The following C8orf34 variants were observed in gnomAD, a reference collection of about 807,000 sequenced individuals.
C8orf34 encodes the protein uncharacterized protein C8orf34.
A neutral mutation model predicts 68.3 loss-of-function variants in C8orf34; 65 were observed. That is an observed-to-expected ratio of 0.95 (90% CI 0.78 to 1.17). The LOEUF is 1.17. C8orf34 is among the 50% of genes most tolerant of loss of function. The probability of loss-of-function intolerance (pLI) is 0.00; values close to 1 mark genes in which losing one functional copy is unlikely to be tolerated. For synonymous variants in C8orf34, 244 were observed against 241.2 expected, an observed-to-expected ratio of 1.01 and a Z score of -0.11; for missense variants, 664 against 655.4, an observed-to-expected ratio of 1.01 and a Z score of -0.14.
intron 1 of C8orf34, among the ~76,000 whole-genome samples, chr8:68,398,752 T>A (rs1272233669): frequency 6.6e-6 from 1 of 152,172 alleles, no homozygotes; most frequent in Non-Finnish European, 1.5e-5. Context: ...TGAAAAAGTT[T>A]CAAGTACTCT....
At chr8:68,486,126 A>T (rs1002855895) in intron 4 of C8orf34, among the ~76,000 whole-genome samples, 7 of 152,218 alleles carry the variant, frequency 4.6e-5, no homozygotes, top group Non-Finnish European at 7.3e-5. Flanking sequence ...ATTCTAAATG[A>T]CCATTTGTAA....
chr8:68,467,527 T>C (rs957952051), intron 3 of C8orf34, among the ~76,000 whole-genome samples: 1 of 152,000 alleles, frequency 6.6e-6, no homozygotes, highest in African/African-American at 2.4e-5. Flanking sequence ...TCTAGACTTT[T>C]TCTCAACTGC....
intron 7 of C8orf34, among the ~76,000 whole-genome samples, chr8:68,602,907 G>A (rs1172423203): frequency 6.6e-6 from 1 of 152,034 alleles, no homozygotes; most frequent in Non-Finnish European, 1.5e-5. Context: ...CCCTTTTCCT[G>A]TACTTTTTGC....
chr8:68,429,164 T>C (rs1810347931), intron 1 of C8orf34, among the ~76,000 whole-genome samples: 1 of 152,040 alleles, frequency 6.6e-6, no homozygotes, highest in Non-Finnish European at 1.5e-5. Context: ...CCCATACAGA[T>C]CTTATATCCA....
intron 1 of C8orf34, chr8:68,331,591 C>A: frequency 1.9e-6 from 1 of 525,304 alleles, no homozygotes; most frequent in Non-Finnish European, 3.5e-6. Flanking sequence ...CTCAGCCTGG[C>A]AGGGGAAGTT....
intron 1 of C8orf34, among the ~76,000 whole-genome samples, chr8:68,362,235 T>C (rs1563377401): frequency 6.6e-6 from 1 of 152,228 alleles, no homozygotes; most frequent in Non-Finnish European, 1.5e-5. Context: ...AATGAAGGGA[T>C]CTTTTTCATG....
chr8:68,776,328 C>G, intron 10 of C8orf34, 71 bp from the exon 11 acceptor site: 1 of 1,181,472 alleles, frequency 8.5e-7, no homozygotes, highest in East Asian at 2.4e-5. Context: ...AGATCCCACT[C>G]TCCACGATTC....
chr8:68,657,021 T>C (rs1242252377), intron 8 of C8orf34, among the ~76,000 whole-genome samples: 1 of 152,158 alleles, frequency 6.6e-6, no homozygotes, highest in Non-Finnish European at 1.5e-5. Flanking sequence ...TTATTTTTTA[T>C]CTTCTGCCCT....
rs562967399 is a variant in C8orf34, at chr8:68,786,119, AGAT to A, written c.1456-1318_1456-1316del. The stretch of plus-strand genomic sequence containing the variant: ...GAAAAATATAATTGAAAGGGGGTAG[AGAT>A]GATGAGTGAATTTGAGAGATAAAGA... On this transcript the variant is annotated intron_variant, in intron 11 of 13. Coordinates refer to ENST00000518698, the MANE Select transcript of C8orf34 (RefSeq NM_052958.4). Among the ~76,000 whole-genome samples, 602 of 152,322 alleles carry A rather than the reference AGAT, an allele frequency of 4.0e-3. 4 individuals are homozygous for A. Among genetic ancestry groups the A allele is most frequent in the African/African-American group, 0.012 (509 of 41,570 alleles).
intron 7 of C8orf34, among the ~76,000 whole-genome samples, chr8:68,543,740 G>A (rs1815777308): frequency 1.3e-5 from 2 of 152,114 alleles, no homozygotes; most frequent in Admixed American, 1.3e-4. Flanking sequence ...TATATATGTA[G>A]TTTTCTTCTG....
In C8orf34 at chr8:68,716,741, A is replaced by C. The variant is rs1478425565; in HGVS notation, c.1328-4620A>C. Among the ~76,000 whole-genome samples the C allele has an allele frequency of 3.3e-5, 5 of 152,144 alleles. No individual in the cohort carries two copies. In the East Asian group the frequency reaches 9.9e-4, roughly 30 times the overall value. ...CATTATCTTAAAATCTTGAGCATTT[A>C]TATAATCTAAAACCTAGAAACTCCA... is the stretch of plus-strand genomic sequence containing the variant. On this transcript the variant is annotated intron_variant, in intron 9 of 13. Coordinates refer to ENST00000518698, the MANE Select transcript of C8orf34 (RefSeq NM_052958.4).
At chr8:68,494,851 A>G (rs1188947626) in intron 5 of C8orf34, among the ~76,000 whole-genome samples, 1 of 151,526 alleles carries the variant, frequency 6.6e-6, no homozygotes, top group Non-Finnish European at 1.5e-5. Context: ...GTGAGACTCC[A>G]TCTCAAAATA....
intron 5 of C8orf34, among the ~76,000 whole-genome samples, chr8:68,498,702 A>G (rs555874676): frequency 3.3e-5 from 5 of 152,348 alleles, no homozygotes; most frequent in South Asian, 2.1e-4. Flanking sequence ...AGGTCCATAA[A>G]TTTAAGTAAA....
intron 7 of C8orf34, among the ~76,000 whole-genome samples, chr8:68,599,014 G>A (rs944280657): frequency 2.6e-5 from 4 of 151,558 alleles, no homozygotes; most frequent in African/African-American, 7.3e-5. Flanking sequence ...GATTTAAGTG[G>A]AATTCTAGTA....
At chr8:68,741,873 T>C (rs1461743439) in intron 10 of C8orf34, among the ~76,000 whole-genome samples, 2 of 152,236 alleles carry the variant, frequency 1.3e-5, no homozygotes, top group African/African-American at 4.8e-5. Context: ...CATTCATCTG[T>C]TGATTGACAT....
At chr8:68,784,440 C>A (rs1012458603) in intron 11 of C8orf34, among the ~76,000 whole-genome samples, 1 of 152,166 alleles carries the variant, frequency 6.6e-6, no homozygotes, top group Admixed American at 6.6e-5. Context: ...GGTTTCTTCA[C>A]TGTAAAGTTA....
intron 1 of C8orf34, among the ~76,000 whole-genome samples, chr8:68,360,970 G>C (rs943838731): frequency 1.3e-5 from 2 of 151,920 alleles, no homozygotes; most frequent in African/African-American, 4.8e-5. Flanking sequence ...GGCCAGGCTG[G>C]TCTCAAACTC....
At chr8:68,808,506 C>G (rs913252031) in intron 12 of C8orf34, among the ~76,000 whole-genome samples, 1 of 151,488 alleles carries the variant, frequency 6.6e-6, no homozygotes, top group African/African-American at 2.4e-5. Context: ...CCTGCTGTAT[C>G]TACTGGGTTT....
At chr8:68,536,445 C>T (rs932277228) in intron 7 of C8orf34, among the ~76,000 whole-genome samples, 6 of 141,626 alleles carry the variant, frequency 4.2e-5, no homozygotes, top group Non-Finnish European at 9.2e-5. Flanking sequence ...TATCAGAGAA[C>T]ATTTGAGGAA....
Sources: allele counts gnomAD v4.1 joint callset (sites outside exome capture counted in the v4.1 genomes callset), GRCh38; gene constraint gnomAD v4.1.1; transcripts MANE v1.5; gene names NCBI Gene and HGNC (gene_info 2026-07-23, HGNC 2026-07-21).